The following PKD2L2 variants were observed in gnomAD, a reference collection of about 807,000 sequenced individuals.
PKD2L2 encodes polycystin-2-like protein 2.
Under a neutral mutation model 83.9 loss-of-function variants are expected in PKD2L2, and 67 were observed. The ratio of observed to expected loss-of-function variants is 0.80; its 90% CI spans 0.66 to 0.98. The LOEUF (loss-of-function observed/expected upper bound fraction) is 0.98. Ranked by LOEUF, PKD2L2 falls within the 50% of genes least tolerant of loss-of-function variation. The pLI, the probability that PKD2L2 is intolerant of heterozygous loss-of-function variation, is 0.00. For synonymous variants in PKD2L2, 223 were observed against 237.8 expected (o/e 0.94, Z 0.57); for missense variants, 632 against 717.2 (o/e 0.88, Z 1.36).
At chr5:137,913,533 G>T (rs2150030867) in intron 8 of PKD2L2, among the ~76,000 whole-genome samples, 1 of 141,972 alleles carries the variant, frequency 7.0e-6, no homozygotes, top group Non-Finnish European at 1.5e-5. Flanking sequence ...CTGTCACCCA[G>T]GCTCTGAAAT....
At chr5:137,898,854 G>C (rs1177253002) in intron 4 of PKD2L2, among the ~76,000 whole-genome samples, 1 of 152,024 alleles carries the variant, frequency 6.6e-6, no homozygotes, top group Non-Finnish European at 1.5e-5. Flanking sequence ...TCAGACTCCT[G>C]AATAACGAGG....
chr5:137,910,758 G>A (rs1409601307), intron 8 of PKD2L2, among the ~76,000 whole-genome samples: 4 of 145,040 alleles, frequency 2.8e-5, no homozygotes, highest in Admixed American at 1.4e-4. Context: ...CAGCCTGGGC[G>A]ACAGAATGAG....
Position 137,935,780 on chromosome 5 carries a change from GTCC to G in PKD2L2, c.1672-14_1672-12del. On this transcript the variant is annotated splice_polypyrimidine_tract_variant and intron_variant, in intron 12 of 14. Transcript: ENST00000508883. ...GAACTAAAGATTGCAGCCTTTACTT[GTCC>G]TCTACCCTGACAGGAGATTCAAAAC... is the stretch of plus-strand genomic sequence containing the variant. The G allele has an allele frequency of 7.3e-7, 1 of 1,367,078 alleles. No homozygotes were observed. The allele number at this position is 1,367,078 out of a possible 1,614,324, so 84.7% of individuals were successfully genotyped here. A position where few individuals can be genotyped will look rare whatever the true frequency, so the allele number is the denominator to read the frequency against.
chr5:137,924,840 C>T (rs1372794133), intron 10 of PKD2L2, among the ~76,000 whole-genome samples, 200 bp from the exon 11 acceptor site: 2 of 152,058 alleles, frequency 1.3e-5, no homozygotes, highest in African/African-American at 4.8e-5. Context: ...ACAGAAGAAC[C>T]CCTTTTGGGT....
At chr5:137,923,876 T>A (rs1759147128) in intron 10 of PKD2L2, among the ~76,000 whole-genome samples, 1 of 152,226 alleles carries the variant, frequency 6.6e-6, no homozygotes, top group Non-Finnish European at 1.5e-5. Context: ...TAAATTTCTA[T>A]CAACAATCTA....
At chr5:137,927,537 GAA>G (rs1214367406) in intron 12 of PKD2L2, among the ~76,000 whole-genome samples, 93 of 152,308 alleles carry the variant, frequency 6.1e-4, no homozygotes, top group African/African-American at 2.2e-3. Context: ...TGATAAACTT[GAA>G]AGAGAAACAG....
At chr5:137,927,021 T>C (rs961777788) in intron 12 of PKD2L2, among the ~76,000 whole-genome samples, 1 of 152,146 alleles carries the variant, frequency 6.6e-6, no homozygotes, top group African/African-American at 2.4e-5. Context: ...GGAGTATCTG[T>C]TAAAAGAATC....
chr5:137,896,820 A>G (rs1488630185), intron 4 of PKD2L2, among the ~76,000 whole-genome samples: 1 of 151,946 alleles, frequency 6.6e-6, no homozygotes, highest in East Asian at 1.9e-4. Flanking sequence ...GTTATATCAT[A>G]ATTATTGTCA....
At chr5:137,923,617 G>A in intron 10 of PKD2L2, 96 bp downstream of exon 10, 1 of 726,336 alleles carries the variant, frequency 1.4e-6, no homozygotes, top group Non-Finnish European at 2.5e-6. Context: ...AAGTGGTCGT[G>A]CTCTCCCCAC....
At chr5:137,930,011 C>CA (rs1395338885) in intron 12 of PKD2L2, among the ~76,000 whole-genome samples, 1 of 150,162 alleles carries the variant, frequency 6.7e-6, no homozygotes, top group Admixed American at 6.6e-5. Flanking sequence ...ATGCACCAAA[C>CA]AGAGTATCAA....
chr5:137,941,923 A>G, intron 14 of PKD2L2: 1 of 1,590,326 alleles, frequency 6.3e-7, no homozygotes, highest in Non-Finnish European at 8.6e-7. Flanking sequence ...AGATGACTCA[A>G]TTTTGTGATG....
chr5:137,925,381 A>G (rs561030649), intron 11 of PKD2L2, among the ~76,000 whole-genome samples: 1 of 152,326 alleles, frequency 6.6e-6, no homozygotes, highest in Admixed American at 6.5e-5. Flanking sequence ...CAGTACACCC[A>G]GGAGTGCCTC....
At chr5:137,932,628 T>C (rs560187816) in intron 12 of PKD2L2, among the ~76,000 whole-genome samples, 1 of 152,324 alleles carries the variant, frequency 6.6e-6, no homozygotes, top group South Asian at 2.1e-4. Context: ...AAGGGGCTTG[T>C]GGAGCTGTTG....
At chr5:137,894,698 T>C in intron 4 of PKD2L2, 89 bp downstream of exon 4, 1 of 986,846 alleles carries the variant, frequency 1.0e-6, no homozygotes, top group Non-Finnish European at 1.5e-6. Flanking sequence ...ACCAGCTGGG[T>C]CCTGGAAGGG....
chr5:137,909,006 A>G, intron 8 of PKD2L2, 60 bp downstream of exon 8: 1 of 956,536 alleles, frequency 1.0e-6, no homozygotes, highest in South Asian at 1.5e-5. Flanking sequence ...AAAAATTGGA[A>G]AGGTCTAACC....
chr5:137,915,596 T>C (rs1758256948), intron 8 of PKD2L2, among the ~76,000 whole-genome samples: 1 of 152,036 alleles, frequency 6.6e-6, no homozygotes, highest in African/African-American at 2.4e-5. Context: ...CTAATTTTTG[T>C]ATTTTTAGTA....
At chr5:137,915,766 T>C (rs188181323) in intron 8 of PKD2L2, among the ~76,000 whole-genome samples, 2 of 152,236 alleles carry the variant, frequency 1.3e-5, no homozygotes, top group Non-Finnish European at 2.9e-5. Flanking sequence ...TGCATTAGTC[T>C]CTTAAATTAT....
rs763177880 is a variant in PKD2L2, at chr5:137,906,248, A to G, written c.789A>G (p.Ser263=). The change falls in exon 6 of 15, where the codon TCA becomes TCG. Residue 263 remains serine, a synonymous_variant. Coordinates refer to ENST00000508883, the MANE Select transcript of PKD2L2 (RefSeq NM_001300921.2). ...EFPATGGILT[S]WQFYSVKLLR... is the part of the protein sequence containing the mutation. ...CTGCAACTGGAGGAATACTTACTTC[A>G]TGGCAGTTTTACTCTGTGAAGCTCC... 1.2e-6 allele frequency: 2 copies of G among 1,612,428 alleles called. No homozygotes were observed. The highest frequency in any genetic ancestry group is 1.7e-5 in the Admixed American group (1 of 59,886).
chr5:137,933,100 C>T (rs969291357), intron 12 of PKD2L2, among the ~76,000 whole-genome samples: 1 of 147,834 alleles, frequency 6.8e-6, no homozygotes, highest in Non-Finnish European at 1.5e-5. Flanking sequence ...CCTGCAAATA[C>T]TGGCAGAATC....
Sources: gnomAD v4.1 joint callset for allele counts (sites outside exome capture counted in the v4.1 genomes callset) on GRCh38, gnomAD v4.1.1 for gene constraint, MANE v1.5 for transcripts, NCBI Gene and HGNC (gene_info 2026-07-23, HGNC 2026-07-21) for gene names.